Variants in HCRTR1 observed in about 807,000 individuals in gnomAD.
HCRTR1 encodes the protein hypocretin receptor 1, also known as orexin/Hypocretin receptor type 1.
In HCRTR1, 28 loss-of-function variants were observed where a neutral mutation model predicts 40.6. The observed-to-expected ratio is 0.69, with a 90% CI of 0.51 to 0.95. The LOEUF is 0.95. Ranked by LOEUF, HCRTR1 falls within the 40% of genes least tolerant of loss-of-function variation. The pLI is 0.00. For synonymous variants in HCRTR1, 209 were observed against 230.0 expected, an observed-to-expected ratio of 0.91 and a Z score of 0.83; for missense variants, 482 against 564.7, an observed-to-expected ratio of 0.85 and a Z score of 1.48.
At chr1:31,619,502 C>T in intron 3 of HCRTR1, 30 bp from the exon 4 acceptor site, 2 of 1,613,616 alleles carry the variant, frequency 1.2e-6, no homozygotes, top group Non-Finnish European at 1.7e-6. Flanking sequence ...TGTGGCTCTG[C>T]CACCAGCTTC....
chr1:31,631,608 T>C (rs1050183675), downstream of HCRTR1, among the ~76,000 whole-genome samples: 1 of 152,182 alleles, frequency 6.6e-6, no homozygotes, highest in Admixed American at 6.5e-5. Context: ...GGATTCTTCA[T>C]TGAAGGGTGT....
chr1:31,628,921 T>A (rs2148613524), downstream of HCRTR1, among the ~76,000 whole-genome samples: 1 of 152,286 alleles, frequency 6.6e-6, no homozygotes, highest in Middle Eastern at 3.4e-3. Context: ...GGGTGATGTA[T>A]GTCCTGGGTG....
At chr1:31,632,650 G>A, downstream of HCRTR1, 6 of 1,612,172 alleles carry the variant, frequency 3.7e-6, no homozygotes, top group African/African-American at 4.0e-5. Flanking sequence ...TGAAGGTGAG[G>A]AGGGAAAGGA....
chr1:31,633,887 G>A (rs1640184285), downstream of HCRTR1, among the ~76,000 whole-genome samples: 1 of 151,978 alleles, frequency 6.6e-6, no homozygotes, highest in African/African-American at 2.4e-5. Context: ...CCCGGGAGGT[G>A]GAGGTTGTGG....
rs1022111234 is a variant in HCRTR1 at position 31,624,977 on chromosome 1, C to T, written c.966-20C>T. The T allele has an allele frequency of 6.3e-7, 1 of 1,577,434 alleles. No homozygotes were observed. The highest frequency in any genetic ancestry group is 8.7e-7 in the Non-Finnish European group (1 of 1,155,536). On this transcript the variant is annotated intron_variant, in intron 7 of 8. Transcript: ENST00000403528. ...ATACGCAGCTACCCCATTTCTGACG[C>T]TCCTCCACCCTGGGCCTAGGGTGTT...
intron 4 of HCRTR1, among the ~76,000 whole-genome samples, chr1:31,620,190 T>C (rs1639823079): frequency 6.6e-6 from 1 of 152,174 alleles, no homozygotes; most frequent in African/African-American, 2.4e-5. Context: ...AAGGAAGGCT[T>C]CTCTCAGTTT....
intron 4 of HCRTR1, among the ~76,000 whole-genome samples, 175 bp from the exon 5 acceptor site, chr1:31,620,668 C>T (rs1424789444): frequency 6.6e-6 from 1 of 152,176 alleles, no homozygotes; most frequent in Non-Finnish European, 1.5e-5. Flanking sequence ...TGGTATATTC[C>T]CATTCTGTAG....
chr1:31,627,319 A>C lies in HCRTR1; in HGVS notation c.*339A>C, dbSNP rs200351788. On this transcript the variant is annotated 3_prime_UTR_variant, in exon 9 of 9. Transcript: ENST00000403528. ...CTAAAGACCCCTTTCCTACCCAATT[A>C]CAGGCCTTCCCTGGAGTCTGCTCTA... 9.2e-7 allele frequency: 1 copy of C among 1,084,040 alleles called. No individual in the cohort carries two copies. The highest frequency in any genetic ancestry group is 1.3e-6 in the Non-Finnish European group (1 of 796,268). 67.2% of individuals were successfully genotyped at this position (1,084,040 alleles called of 1,614,324 possible).
downstream of HCRTR1, among the ~76,000 whole-genome samples, chr1:31,629,495 G>C (rs1640037535): frequency 6.6e-6 from 1 of 152,174 alleles, no homozygotes; most frequent in South Asian, 2.1e-4. Flanking sequence ...CTTAATAAAA[G>C]TGGGGAGAAC....
intron 6 of HCRTR1, 100 bp downstream of exon 6, chr1:31,621,692 C>T (rs1056545410): frequency 4.7e-6 from 4 of 854,370 alleles, no homozygotes; most frequent in Admixed American, 2.0e-5. Flanking sequence ...GCCATCAGCA[C>T]ATGCCATCTT....
At position 31,619,366 on chromosome 1, in the gene HCRTR1, C is replaced by A; in HGVS notation, c.174C>A (p.Val58=). ...TCGCAGCCTATGTGGCTGTGTTCGT[C>A]GTGGCCCTGGTGGGCAACACGCTGG... ...VLIAAYVAVF[V]VALVGNTLVC... is the part of the protein sequence containing the mutation. Residue 58 remains valine, a synonymous_variant, in exon 3 of 9, where the codon GTC becomes GTA. Coordinates refer to ENST00000403528, the MANE Select transcript of HCRTR1 (RefSeq NM_001525.3). 6.2e-7 allele frequency: 1 copy of A among 1,614,172 alleles called. No individual in the cohort carries two copies. The highest frequency in any genetic ancestry group is 1.1e-5 in the South Asian group (1 of 91,076).
chr1:31,631,095 G>C (rs1450080798), downstream of HCRTR1, among the ~76,000 whole-genome samples: 1 of 152,144 alleles, frequency 6.6e-6, no homozygotes, highest in Non-Finnish European at 1.5e-5. Context: ...CTTCAACTGA[G>C]GCTCAGGGGA....
rs753112066 is a variant in HCRTR1, at chr1:31,626,933, ATC to A, written c.1235_1236del (p.Ser412Ter). On this transcript the variant is annotated frameshift_variant, in exon 9 of 9. Transcript: ENST00000403528. LOFTEE classifies it high-confidence loss of function. The surrounding 1 kb of genome is among the most constrained non-coding windows in gnomAD (Gnocchi z 4.6). ...SLQSRCSISK[I>X]SEHVVLTSVT... is the part of the protein sequence containing the mutation. ...GCAGAGCCGATGCTCCATCTCCAAAATCTCTGAGCATGTGGTGCTCACCAGCG... is the reference window on the plus strand; with the variant it reads ...GCAGAGCCGATGCTCCATCTCCAAAATCTGAGCATGTGGTGCTCACCAGCG... 1.2e-6 allele frequency: 2 copies of A among 1,613,406 alleles called. No homozygotes were observed. The highest frequency in any genetic ancestry group is 2.2e-5 in the South Asian group (2 of 91,062).
At chr1:31,621,205 C>A in intron 5 of HCRTR1, 119 bp downstream of exon 5, 1 of 1,350,382 alleles carries the variant, frequency 7.4e-7, no homozygotes, top group Non-Finnish European at 1.0e-6. Context: ...GCAGGTATTT[C>A]CCTAGGGGAC....
downstream of HCRTR1, chr1:31,630,670 G>C: frequency 6.2e-7 from 1 of 1,613,648 alleles, no homozygotes; most frequent in Non-Finnish European, 8.5e-7. Context: ...GCCGAATGTT[G>C]CCTTGTACAG....
At chr1:31,630,412 T>A, downstream of HCRTR1, 1 of 603,440 alleles carries the variant, frequency 1.7e-6, no homozygotes, top group Non-Finnish European at 2.9e-6. Context: ...CAGGCCCCTA[T>A]CTGTGTGGCC....
intron 4 of HCRTR1, among the ~76,000 whole-genome samples, chr1:31,620,352 T>C (rs1051193319): frequency 1.3e-5 from 2 of 152,234 alleles, no homozygotes; most frequent in Non-Finnish European, 2.9e-5. Flanking sequence ...ATGGCAGAGA[T>C]AAATGCCTCT....
In HCRTR1 at chr1:31,627,377, T is replaced by C. The variant is rs944887788; in HGVS notation, c.*397T>C. On this transcript the variant is annotated 3_prime_UTR_variant, in exon 9 of 9. Transcript: ENST00000403528. The stretch of plus-strand genomic sequence containing the variant: ...CAACAGGCATTTCCATCTTGTTCCA[T>C]GGCTCCCTGAAGCCCAGGGCTGCAC... 1.6e-5 allele frequency: 21 copies of C among 1,292,560 alleles called. No individual in the cohort carries two copies. The highest frequency in any genetic ancestry group is 2.1e-5 in the Non-Finnish European group (21 of 990,048). The allele number at this position is 1,292,560 out of a possible 1,614,324, so 80.1% of individuals were successfully genotyped here.
intron 7 of HCRTR1, 67 bp from the exon 8 acceptor site, chr1:31,624,930 G>A (rs1415155659): frequency 1.7e-5 from 25 of 1,479,964 alleles, no homozygotes; most frequent in Middle Eastern, 2.0e-4. Flanking sequence ...GGTTCTGTGA[G>A]CAGCACTCCC....
Sources: gnomAD v4.1 joint callset for allele counts (sites outside exome capture counted in the v4.1 genomes callset) on GRCh38, gnomAD v4.1.1 for gene constraint, Gnocchi (gnomAD v3.1) non-coding constraint, MANE v1.5 for transcripts, NCBI Gene and HGNC (gene_info 2026-07-23, HGNC 2026-07-21) for gene names.